The following FAM227B variants were observed in gnomAD, a reference collection of about 807,000 sequenced individuals.
FAM227B encodes the protein family with sequence similarity 227 member B, also known as protein FAM227B.
FAM227B carries 88 observed loss-of-function variants against 73.8 expected under a neutral mutation model. The observed-to-expected ratio is 1.19, with a 90% CI of 1.00 to 1.42. The LOEUF (loss-of-function observed/expected upper bound fraction) is 1.42. Ranked by LOEUF, FAM227B falls within the 40% of genes most tolerant of loss-of-function variation. The pLI is 0.00. For synonymous variants in FAM227B, 210 were observed against 190.5 expected, an observed-to-expected ratio of 1.10 and a Z score of -0.84; for missense variants, 632 against 590.9, an observed-to-expected ratio of 1.07 and a Z score of -0.72.
chr15:49,408,864 A>C (rs1054530181), intron 11 of FAM227B, among the ~76,000 whole-genome samples: 1 of 152,140 alleles, frequency 6.6e-6, no homozygotes, highest in Non-Finnish European at 1.5e-5. Flanking sequence ...GTGGGGTTAT[A>C]TCACCATGGC....
chr15:49,549,341 T>TA lies in FAM227B; in HGVS notation c.748-7536_748-7535insT, dbSNP rs2072454988. On this transcript the variant is annotated intron_variant, in intron 9 of 15. Coordinates refer to ENST00000299338, the MANE Select transcript of FAM227B (RefSeq NM_152647.3). ...TATGTATTTTATTTATTTATTTATTTTTATTGATTATTCTTGGGTGTTTCT... is the reference window on the plus strand; with the variant it reads ...TATGTATTTTATTTATTTATTTATTTATTATTGATTATTCTTGGGTGTTTCT... 5.5e-5 allele frequency among the ~76,000 whole-genome samples: 8 copies of TA among 144,506 alleles called. No individual in the cohort carries two copies. In the East Asian group the frequency reaches 1.7e-3, roughly 30 times the overall value. 94.8% of individuals were successfully genotyped at this position (144,506 alleles called of 152,430 possible).
At chr15:49,571,824 A>G (rs573098741) in intron 8 of FAM227B, among the ~76,000 whole-genome samples, 30 of 132,264 alleles carry the variant, frequency 2.3e-4, no homozygotes, top group African/African-American at 9.4e-4. Flanking sequence ...TGCTCAGACT[A>G]TTCAGGGATC....
intron 5 of FAM227B, among the ~76,000 whole-genome samples, chr15:49,587,011 C>T (rs1171042918): frequency 3.3e-5 from 5 of 152,016 alleles, no homozygotes; most frequent in African/African-American, 9.7e-5. Flanking sequence ...TATCATTCTA[C>T]CATAAAGACA....
intron 11 of FAM227B, chr15:49,422,850 C>A: frequency 1.5e-6 from 1 of 668,986 alleles, no homozygotes; most frequent in South Asian, 2.2e-5. Flanking sequence ...CAGTTTTGTT[C>A]TAACATTCTG....
intron 11 of FAM227B, among the ~76,000 whole-genome samples, chr15:49,404,363 T>C (rs1567220321): frequency 2.0e-5 from 3 of 152,178 alleles, no homozygotes; most frequent in Admixed American, 6.5e-5. Flanking sequence ...AGTGGGGTGT[T>C]AAAGTCCCCC....
At chr15:49,589,622 A>C (rs1036003466) in intron 4 of FAM227B, among the ~76,000 whole-genome samples, 154 bp downstream of exon 4, 1 of 151,650 alleles carries the variant, frequency 6.6e-6, no homozygotes, top group South Asian at 2.1e-4. Flanking sequence ...AACACAAAAA[A>C]TAAGGACTGG....
intron 10 of FAM227B, among the ~76,000 whole-genome samples, chr15:49,538,153 C>T (rs927560422): frequency 7.2e-5 from 11 of 152,134 alleles, no homozygotes; most frequent in Non-Finnish European, 1.6e-4. Flanking sequence ...CTTTGCAAGC[C>T]AGGAGAGAGT....
chr15:49,335,128 C>T (rs1448625784), intron 14 of FAM227B, among the ~76,000 whole-genome samples: 8 of 152,122 alleles, frequency 5.3e-5, no homozygotes, highest in Admixed American at 2.0e-4. Context: ...TGTAAATGGA[C>T]GATACTCCAG....
At chr15:49,440,071 A>G (rs1369591643) in intron 11 of FAM227B, among the ~76,000 whole-genome samples, 1 of 151,766 alleles carries the variant, frequency 6.6e-6, no homozygotes, top group African/African-American at 2.4e-5. Flanking sequence ...TTATTTGATG[A>G]GGGAACTGAG....
rs139166729 is a variant in FAM227B, at chr15:49,347,124, A to G, written c.1272-11628T>C. On this transcript the variant is annotated intron_variant, in intron 13 of 15. Transcript: ENST00000299338. ...TTTCACTATTTAATACATCATTATC[A>G]GCAGTTTTGTAGTATACTCAGGAAA... 1.9e-3 allele frequency among the ~76,000 whole-genome samples: 296 copies of G among 152,310 alleles called. 3 individuals are homozygous for G. The highest frequency in any genetic ancestry group is 3.1e-3 in the Non-Finnish European group (209 of 68,026).
At chr15:49,615,020 T>C in intron 2 of FAM227B, 101 bp downstream of exon 2, 1 of 1,043,936 alleles carries the variant, frequency 9.6e-7, no homozygotes, top group Non-Finnish European at 1.5e-6. Context: ...CCTTGGTGTT[T>C]CAGTGACAAA....
chr15:49,385,571 C>T (rs1335489087), intron 11 of FAM227B, among the ~76,000 whole-genome samples: 2 of 149,648 alleles, frequency 1.3e-5, no homozygotes, highest in African/African-American at 4.9e-5. Flanking sequence ...GCTTAAAACT[C>T]ACTGGGTCTA....
chr15:49,366,371 T>C, intron 13 of FAM227B: 1 of 789,116 alleles, frequency 1.3e-6, no homozygotes, highest in Non-Finnish European at 2.3e-6. Context: ...ACCTCTTTTC[T>C]GTGCATTTCT....
intron 11 of FAM227B, among the ~76,000 whole-genome samples, chr15:49,498,429 C>T (rs975713579): frequency 6.6e-6 from 1 of 152,164 alleles, no homozygotes; most frequent in Non-Finnish European, 1.5e-5. Context: ...CACACTTTAT[C>T]AAGTACATAT....
At chr15:49,607,802 G>A (rs2077618400) in intron 3 of FAM227B, among the ~76,000 whole-genome samples, 1 of 152,146 alleles carries the variant, frequency 6.6e-6, no homozygotes, top group African/African-American at 2.4e-5. Context: ...CTTTGTGGCT[G>A]TATTATTAAA....
At chr15:49,490,006 G>A (rs1451552645) in intron 11 of FAM227B, among the ~76,000 whole-genome samples, 1 of 147,690 alleles carries the variant, frequency 6.8e-6, no homozygotes, top group Non-Finnish European at 1.5e-5. Context: ...CCCATGCAGT[G>A]GTATTTTAAA....
intron 11 of FAM227B, among the ~76,000 whole-genome samples, chr15:49,445,712 AGAT>A (rs1344424204): frequency 6.6e-6 from 1 of 151,604 alleles, no homozygotes; most frequent in Non-Finnish European, 1.5e-5. Context: ...CATCAAGTTC[AGAT>A]GATAATAGCT....
intron 11 of FAM227B, among the ~76,000 whole-genome samples, chr15:49,500,299 A>C (rs886850285): frequency 3.9e-5 from 6 of 152,242 alleles, no homozygotes; most frequent in Non-Finnish European, 8.8e-5. Context: ...AATGGCCAAG[A>C]TATTTGAACA....
intron 11 of FAM227B, among the ~76,000 whole-genome samples, chr15:49,505,349 C>T (rs549091796): frequency 1.3e-4 from 20 of 152,110 alleles, no homozygotes; most frequent in African/African-American, 3.4e-4. Flanking sequence ...TTTATACATA[C>T]GTCAAAACTC....
Sources: allele counts gnomAD v4.1 joint callset (sites outside exome capture counted in the v4.1 genomes callset), GRCh38; gene constraint gnomAD v4.1.1; transcripts MANE v1.5; gene names NCBI Gene and HGNC (gene_info 2026-07-23, HGNC 2026-07-21).